Variants in SEC24D observed in about 807,000 individuals in gnomAD.
SEC24D encodes the protein protein transport protein Sec24D.
SEC24D carries 69 observed loss-of-function variants against 116.9 expected under a neutral mutation model. The ratio of observed to expected loss-of-function variants is 0.59; its 90% CI spans 0.49 to 0.72. The LOEUF (loss-of-function observed/expected upper bound fraction) is 0.72. Among genes scored for constraint, SEC24D ranks in the 30% least tolerant of loss-of-function variants. The pLI, the probability that SEC24D is intolerant of heterozygous loss-of-function variation, is 0.00. For synonymous variants in SEC24D, 405 were observed against 442.8 expected (o/e 0.91, Z 1.07); for missense variants, 1,131 against 1,264.1 (o/e 0.89, Z 1.60).
chr4:118,826,290 T>G (rs867824304), intron 2 of SEC24D, among the ~76,000 whole-genome samples: 1 of 152,314 alleles, frequency 6.6e-6, no homozygotes, highest in Middle Eastern at 3.4e-3. Flanking sequence ...TAAGATACTC[T>G]ATTTTTCAGA....
At chr4:118,755,578 G>A (rs987347951) in intron 11 of SEC24D, among the ~76,000 whole-genome samples, 1 of 151,884 alleles carries the variant, frequency 6.6e-6, no homozygotes, top group South Asian at 2.1e-4. Flanking sequence ...GACCTTGAGA[G>A]GCCAAAGGTA....
intron 7 of SEC24D, among the ~76,000 whole-genome samples, chr4:118,799,720 A>C (rs1184970760): frequency 6.6e-6 from 1 of 152,164 alleles, no homozygotes. Context: ...CGGAGGCACG[A>C]TCATCTGTGC....
At chr4:118,804,262 T>C (rs977031527) in intron 7 of SEC24D, among the ~76,000 whole-genome samples, 2 of 152,200 alleles carry the variant, frequency 1.3e-5, no homozygotes, top group East Asian at 1.9e-4. Context: ...TAAATATTTA[T>C]TGGTCAACTA....
intron 10 of SEC24D, among the ~76,000 whole-genome samples, chr4:118,763,895 C>T (rs1167005107): frequency 2.0e-5 from 3 of 151,886 alleles, no homozygotes; most frequent in Non-Finnish European, 2.9e-5. Context: ...GACCAAATTC[C>T]GTGAAAAAAC....
intron 8 of SEC24D, among the ~76,000 whole-genome samples, chr4:118,788,708 T>G (rs904986738): frequency 2.6e-5 from 4 of 152,206 alleles, no homozygotes; most frequent in African/African-American, 9.6e-5. Flanking sequence ...TTAAAAGACA[T>G]GAAATATCCA....
intron 11 of SEC24D, among the ~76,000 whole-genome samples, chr4:118,756,586 G>A (rs930693912): frequency 1.3e-5 from 2 of 152,014 alleles, no homozygotes; most frequent in Non-Finnish European, 2.9e-5. Context: ...GAGCTCTAAG[G>A]GCTGAAGCCA....
chr4:118,819,328 G>A (rs189183442), intron 3 of SEC24D, among the ~76,000 whole-genome samples: 2,024 of 151,904 alleles, frequency 0.013, 45 homozygotes, highest in African/African-American at 0.046. Context: ...TCAGGAGATC[G>A]AGACCATCCT....
rs759643319 is a variant in SEC24D at position 118,824,602 on chromosome 4, G to A, written c.248+18C>T. ...TTAGGAGAATATACAAACGAAGGTTGGAATCTACCTAGCTCACCTTTGGGG... is the reference window on the plus strand; with the variant it reads ...TTAGGAGAATATACAAACGAAGGTTAGAATCTACCTAGCTCACCTTTGGGG... On this transcript the variant is annotated intron_variant, in intron 3 of 22. Coordinates refer to ENST00000280551, the MANE Select transcript of SEC24D (RefSeq NM_014822.4). 1 of 1,594,958 alleles carries A rather than the reference G, an allele frequency of 6.3e-7. No individual in the cohort carries two copies. The highest frequency in any genetic ancestry group is 1.4e-5 in the African/African-American group (1 of 73,782).
Position 118,738,293 on chromosome 4 carries a change from T to G in SEC24D, c.2464A>C (p.Lys822Gln). Residue 822 changes from lysine to glutamine, a missense_variant, in exon 19 of 23, where the codon AAG (lysine) becomes CAG (glutamine). Physicochemically the swap from Lys to Gln is moderately conservative, Grantham distance 53. Transcript: ENST00000280551. ...GCTGCAGAAGGACTTGCACAATTCTTCCGGTAACATGCCAACATATGGGCA... is the reference window on the plus strand; with the variant it reads ...GCTGCAGAAGGACTTGCACAATTCTGCCGGTAACATGCCAACATATGGGCA... ...QTAHMLACYR[K>Q]NCASPSAASQ... 6.2e-7 allele frequency: 1 copy of G among 1,613,610 alleles called. No homozygotes were observed. Among genetic ancestry groups the G allele is most frequent in the Non-Finnish European group, 8.5e-7 (1 of 1,179,590 alleles).
intron 5 of SEC24D, 63 bp downstream of exon 5, chr4:118,815,388 G>C: frequency 6.4e-7 from 1 of 1,569,696 alleles, no homozygotes; most frequent in African/African-American, 1.4e-5. Context: ...GAACAAAGCT[G>C]ATTTTCAGTT....
intron 19 of SEC24D, among the ~76,000 whole-genome samples, chr4:118,734,363 C>G (rs1213007493): frequency 6.6e-6 from 1 of 151,818 alleles, no homozygotes; most frequent in Non-Finnish European, 1.5e-5. Flanking sequence ...CAGGCATGTA[C>G]CACCACACCC....
chr4:118,799,929 TGA>T, intron 7 of SEC24D, among the ~76,000 whole-genome samples: 1 of 152,188 alleles, frequency 6.6e-6, no homozygotes, highest in East Asian at 1.9e-4. Flanking sequence ...TATTTTAAGA[TGA>T]GAGAAGGTTT....
intron 8 of SEC24D, among the ~76,000 whole-genome samples, chr4:118,769,169 G>C (rs1008376624): frequency 5.3e-5 from 8 of 152,114 alleles, no homozygotes. Flanking sequence ...TACCTTTTCT[G>C]TTAGTTTATC....
intron 7 of SEC24D, among the ~76,000 whole-genome samples, chr4:118,805,217 C>T (rs114080496): frequency 0.049 from 7,418 of 152,204 alleles, 221 homozygotes; most frequent in Non-Finnish European, 0.063. Flanking sequence ...AGACAAAATG[C>T]TTGTTTGTAT....
chr4:118,743,129 A>G (rs550733205), intron 15 of SEC24D, among the ~76,000 whole-genome samples: 60 of 152,318 alleles, frequency 3.9e-4, no homozygotes, highest in African/African-American at 1.3e-3. Context: ...CTTGGAAAAG[A>G]GAAGTGTAAT....
Position 118,833,688 on chromosome 4 carries a change from T to C in SEC24D, c.9A>G (p.Gln3=). MS[Q]QGYVATPPYS... ...ACGGAGGTGTAGCCACGTAACCTTG[T>C]TGACTCATTATGAAAATATCATTCC... The change falls in exon 2 of 23, where the codon CAA becomes CAG. Residue 3 remains glutamine (Q), a synonymous_variant. Coordinates refer to ENST00000280551, the MANE Select transcript of SEC24D (RefSeq NM_014822.4). The C allele has an allele frequency of 3.1e-6, 5 of 1,609,872 alleles. No individual in the cohort carries two copies. Among genetic ancestry groups the C allele is most frequent in the South Asian group, 1.1e-5 (1 of 90,456 alleles).
At chr4:118,789,893 T>C (rs1299281781) in intron 8 of SEC24D, among the ~76,000 whole-genome samples, 2 of 152,336 alleles carry the variant, frequency 1.3e-5, no homozygotes, top group Non-Finnish European at 2.9e-5. Context: ...CTCAACAGCA[T>C]TTATTAACAG....
intron 10 of SEC24D, among the ~76,000 whole-genome samples, chr4:118,763,955 T>C (rs1325839486): frequency 1.3e-5 from 2 of 152,092 alleles, no homozygotes; most frequent in East Asian, 1.9e-4. Context: ...AAGTTGCAAA[T>C]GCATATACAC....
intron 1 of SEC24D, among the ~76,000 whole-genome samples, chr4:118,834,167 G>A (rs774579402): frequency 2.6e-5 from 4 of 152,276 alleles, no homozygotes; most frequent in South Asian, 2.1e-4. Context: ...TATGACTTAC[G>A]TCTTTTTAGT....
Sources: gnomAD v4.1 joint callset for allele counts (sites outside exome capture counted in the v4.1 genomes callset) on GRCh38, gnomAD v4.1.1 for gene constraint, MANE v1.5 for transcripts, NCBI Gene and HGNC (gene_info 2026-07-23, HGNC 2026-07-21) for gene names.